FBXL20: variants seen among roughly 807,000 people sequenced by gnomAD.
The protein encoded by FBXL20 is F-box and leucine rich repeat protein 20, also known as F-box/LRR-repeat protein 20.
Under a neutral mutation model 64.0 loss-of-function variants are expected in FBXL20, and 11 were observed. That is an observed-to-expected ratio of 0.17 (90% CI 0.11 to 0.28). FBXL20 has a LOEUF of 0.28. FBXL20 is among the 10% of genes least tolerant of loss of function. FBXL20 has a pLI of 1.00. For missense variants in FBXL20, 303 were observed against 526.2 expected (o/e 0.58, Z 4.15); for synonymous variants, 184 against 189.0 (o/e 0.97, Z 0.22).
chr17:39,375,976 G>A (rs1268109460), intron 1 of FBXL20, among the ~76,000 whole-genome samples: 1 of 152,090 alleles, frequency 6.6e-6, no homozygotes, highest in Non-Finnish European at 1.5e-5. Flanking sequence ...AAAATTAGCT[G>A]GGCATGGTGG....
intron 2 of FBXL20, among the ~76,000 whole-genome samples, chr17:39,340,154 T>C (rs2047568147): frequency 6.6e-6 from 1 of 151,850 alleles, no homozygotes; most frequent in Admixed American, 6.6e-5. Context: ...TGGAGCGCGG[T>C]GGCGCGATCT....
intron 2 of FBXL20, among the ~76,000 whole-genome samples, chr17:39,337,196 C>T (rs1008011304): frequency 7.2e-5 from 11 of 152,312 alleles, no homozygotes; most frequent in East Asian, 1.9e-4. Flanking sequence ...CTGTGTTGGC[C>T]GGGCTGGTCT....
chr17:39,273,622 C>G (rs1249578910), intron 10 of FBXL20, among the ~76,000 whole-genome samples: 1 of 151,616 alleles, frequency 6.6e-6, no homozygotes, highest in Non-Finnish European at 1.5e-5. Flanking sequence ...GGTCAGGAGA[C>G]CATCCTGGCC....
intron 9 of FBXL20, among the ~76,000 whole-genome samples, chr17:39,278,130 A>G (rs1231844656): frequency 6.6e-6 from 1 of 152,198 alleles, no homozygotes; most frequent in Non-Finnish European, 1.5e-5. Context: ...ATATGTGCTT[A>G]TACATACAAA....
chr17:39,397,202 A>C (rs1433785169), intron 1 of FBXL20, among the ~76,000 whole-genome samples: 1 of 152,132 alleles, frequency 6.6e-6, no homozygotes, highest in East Asian at 1.9e-4. Flanking sequence ...CACCATGCCC[A>C]GCCAGATTTT....
At chr17:39,286,786 G>A (rs961423235) in intron 6 of FBXL20, among the ~76,000 whole-genome samples, 3 of 151,284 alleles carry the variant, frequency 2.0e-5, no homozygotes, top group African/African-American at 7.3e-5. Context: ...CAACAAGAGT[G>A]AAACTCTGTC....
chr17:39,302,239 T>A (rs117660770), intron 3 of FBXL20, among the ~76,000 whole-genome samples: 5 of 152,020 alleles, frequency 3.3e-5, no homozygotes, highest in African/African-American at 1.2e-4. Context: ...TGAGACACGG[T>A]GTCACTGTCA....
rs2048239678 is a variant in FBXL20 at position 39,401,241 on chromosome 17, C to A, written c.42+120G>T. 9 of 1,566,834 alleles carry A rather than the reference C, an allele frequency of 5.7e-6. No individual in the cohort carries two copies. The South Asian group carries it at 1.0e-4, about 18-fold the overall frequency. On this transcript the variant is annotated intron_variant, in intron 1 of 14. Transcript: ENST00000264658. The stretch of plus-strand genomic sequence containing the variant: ...AAGAAAGGGGAGCGGAGTCTGGCAG[C>A]CCCGCCAGTGGGTGGGTGACGGCGC...
At chr17:39,319,045 T>C (rs1323837598) in intron 2 of FBXL20, among the ~76,000 whole-genome samples, 1 of 151,836 alleles carries the variant, frequency 6.6e-6, no homozygotes, top group Non-Finnish European at 1.5e-5. Flanking sequence ...GGTCAGGAGA[T>C]TGAGACCAGC....
chr17:39,384,604 A>G (rs1270506923), intron 1 of FBXL20, among the ~76,000 whole-genome samples: 1 of 152,086 alleles, frequency 6.6e-6, no homozygotes, highest in Admixed American at 6.6e-5. Context: ...GGTGGAGAAG[A>G]AGAGGTGCTA....
At chr17:39,331,982 G>GT (rs1567883342) in intron 2 of FBXL20, among the ~76,000 whole-genome samples, 1 of 152,208 alleles carries the variant, frequency 6.6e-6, no homozygotes, top group Non-Finnish European at 1.5e-5. Context: ...TAGAACCAAT[G>GT]TAACAATACA....
chr17:39,322,542 G>C (rs1343031933), intron 2 of FBXL20, among the ~76,000 whole-genome samples: 3 of 152,042 alleles, frequency 2.0e-5, no homozygotes, highest in African/African-American at 7.2e-5. Context: ...TAAAAGTTAA[G>C]TGGATCGTTA....
At chr17:39,361,705 G>A (rs938543301) in intron 1 of FBXL20, among the ~76,000 whole-genome samples, 2 of 152,098 alleles carry the variant, frequency 1.3e-5, no homozygotes, top group African/African-American at 4.8e-5. Flanking sequence ...GCTGAGGCAG[G>A]AGAACTGCTT....
At chr17:39,401,279 A>T in intron 1 of FBXL20, 82 bp downstream of exon 1, 1 of 1,605,306 alleles carries the variant, frequency 6.2e-7, no homozygotes, top group Non-Finnish European at 8.5e-7. Context: ...GCCAGGGAGG[A>T]GGCTCCGTGC....
chr17:39,290,708 T>C (rs941420107), intron 6 of FBXL20, among the ~76,000 whole-genome samples: 3 of 151,796 alleles, frequency 2.0e-5, no homozygotes, highest in African/African-American at 7.3e-5. Context: ...GGAACACAGG[T>C]GTGCGCCACC....
At chr17:39,312,246 C>T (rs2047241449) in intron 2 of FBXL20, among the ~76,000 whole-genome samples, 1 of 151,826 alleles carries the variant, frequency 6.6e-6, no homozygotes, top group African/African-American at 2.4e-5. Flanking sequence ...AAAACCCCAT[C>T]TCTACTAAAC....
chr17:39,329,678 T>C (rs983594861), intron 2 of FBXL20, among the ~76,000 whole-genome samples: 1 of 152,024 alleles, frequency 6.6e-6, no homozygotes, highest in African/African-American at 2.4e-5. Flanking sequence ...GTCTATAACT[T>C]ATCTCTAATG....
Position 39,343,228 on chromosome 17 carries a change from C to T in FBXL20, c.56G>A (p.Ser19Asn). Residue 19 changes from serine (S) to asparagine (N), a missense_variant, in exon 2 of 15, where the codon AGT (serine) becomes AAT (asparagine). Ser to Asn is a conservative substitution (Grantham distance 46, BLOSUM62 1). Coordinates refer to ENST00000264658, the MANE Select transcript of FBXL20 (RefSeq NM_032875.3). ...TKSRFEMFSNSDEAVINKKLP... is the reference protein window; with the variant it reads ...TKSRFEMFSNNDEAVINKKLP... ...TTTTTTATTGATTACAGCTTCATCACTATTTGAGAACATCTGCAAAAACAA... is the reference window on the plus strand; with the variant it reads ...TTTTTTATTGATTACAGCTTCATCATTATTTGAGAACATCTGCAAAAACAA... 6.3e-7 allele frequency: 1 copy of T among 1,599,260 alleles called. No homozygotes were observed. Among genetic ancestry groups the T allele is most frequent in the Non-Finnish European group, 8.5e-7 (1 of 1,174,758 alleles).
At chr17:39,398,276 T>A (rs969548891) in intron 1 of FBXL20, among the ~76,000 whole-genome samples, 1 of 151,876 alleles carries the variant, frequency 6.6e-6, no homozygotes, top group Non-Finnish European at 1.5e-5. Context: ...CAAGATTTCA[T>A]CTCAAAGAAA....
Sources: gnomAD v4.1 joint callset for allele counts (sites outside exome capture counted in the v4.1 genomes callset) on GRCh38, gnomAD v4.1.1 for gene constraint, MANE v1.5 for transcripts, NCBI Gene and HGNC (gene_info 2026-07-23, HGNC 2026-07-21) for gene names.